Variants in THSD4 observed in about 807,000 individuals in gnomAD.
THSD4 encodes the protein thrombospondin type 1 domain containing 4.
THSD4 carries 69 observed loss-of-function variants against 119.0 expected under a neutral mutation model. The ratio of observed to expected loss-of-function variants is 0.58; its 90% CI spans 0.48 to 0.71. The LOEUF (loss-of-function observed/expected upper bound fraction) is 0.71. Among genes scored for constraint, THSD4 ranks in the 30% least tolerant of loss-of-function variants. The probability of loss-of-function intolerance (pLI) is 0.00; values close to 1 mark genes in which losing one functional copy is unlikely to be tolerated. For synonymous variants in THSD4, 524 were observed against 540.4 expected, an observed-to-expected ratio of 0.97 and a Z score of 0.42; for missense variants, 1,393 against 1,391.1, an observed-to-expected ratio of 1.00 and a Z score of -0.02.
At chr15:71,312,105 T>C (rs66526870) in intron 6 of THSD4, among the ~76,000 whole-genome samples, 7,567 of 152,314 alleles carry the variant, frequency 0.05, 211 homozygotes, top group South Asian at 0.083. Context: ...CTGGACTGTA[T>C]AGTGCTCCCC....
In THSD4 at chr15:71,141,555, A is replaced by G; in HGVS notation, c.28A>G (p.Ser10Gly). The G allele has an allele frequency of 6.2e-7, 1 of 1,608,662 alleles. No homozygotes were observed. The highest frequency in any genetic ancestry group is 2.2e-5 in the East Asian group (1 of 44,880). Residue 10 changes from serine to glycine, a missense_variant and splice_region_variant, in exon 2 of 18, where the codon AGT becomes GGT. Coordinates refer to ENST00000261862, the MANE Select transcript of THSD4 (RefSeq NM_024817.3). Reference protein sequence around the residue: MVSHFMGSLSVLCFLLLLGF... With the variant: MVSHFMGSLGVLCFLLLLGF... The stretch of plus-strand genomic sequence containing the variant: ...GGTTTCCCATTTCATGGGGTCTCTC[A>G]GGTAAGTGAAGAAACTTTTTTTAAA...
chr15:71,660,475 C>T, intron 7 of THSD4, 55 bp from the exon 8 acceptor site: 1 of 1,603,432 alleles, frequency 6.2e-7, no homozygotes, highest in South Asian at 1.1e-5. Flanking sequence ...TCCCTTCCTT[C>T]CTCTGCATGC....
At chr15:71,127,659 AG>A (rs1176476586) in intron 1 of THSD4, among the ~76,000 whole-genome samples, 3 of 152,152 alleles carry the variant, frequency 2.0e-5, no homozygotes, top group Non-Finnish European at 4.4e-5. Flanking sequence ...ATTTCCCTAA[AG>A]GTTAGCAATG....
At chr15:71,467,179 A>T (rs1000721813) in intron 7 of THSD4, among the ~76,000 whole-genome samples, 1 of 152,218 alleles carries the variant, frequency 6.6e-6, no homozygotes, top group Non-Finnish European at 1.5e-5. Flanking sequence ...TCCACATGGC[A>T]TGAGTTAACT....
intron 6 of THSD4, among the ~76,000 whole-genome samples, chr15:71,374,972 G>T (rs975055083): frequency 4.6e-5 from 7 of 152,226 alleles, no homozygotes; most frequent in African/African-American, 1.4e-4. Flanking sequence ...TGTCCTGCGG[G>T]TATTTAGAGA....
chr15:71,625,049 C>T (rs1376591270), intron 7 of THSD4, among the ~76,000 whole-genome samples: 1 of 151,982 alleles, frequency 6.6e-6, no homozygotes, highest in African/African-American at 2.4e-5. Flanking sequence ...GCTCTGTTTC[C>T]CAGGCTGGAG....
intron 6 of THSD4, among the ~76,000 whole-genome samples, chr15:71,291,945 C>T (rs1052673399): frequency 6.6e-6 from 1 of 152,144 alleles, no homozygotes; most frequent in African/African-American, 2.4e-5. Flanking sequence ...CCCTGTCTAC[C>T]ACATCCTGCT....
chr15:71,111,310 C>A (rs773812981), upstream of THSD4: 9 of 1,613,838 alleles, frequency 5.6e-6, no homozygotes, highest in East Asian at 2.0e-4. Flanking sequence ...TGCTCATGTC[C>A]TCAGAGCTGT....
intron 7 of THSD4, among the ~76,000 whole-genome samples, chr15:71,451,086 G>A (rs1241660104): frequency 1.3e-5 from 2 of 152,138 alleles, no homozygotes; most frequent in African/African-American, 4.8e-5. Flanking sequence ...GCTGAAGTGG[G>A]AGAATCACTT....
At chr15:71,500,413 C>T (rs921511585) in intron 7 of THSD4, among the ~76,000 whole-genome samples, 1 of 152,126 alleles carries the variant, frequency 6.6e-6, no homozygotes, top group Admixed American at 6.5e-5. Flanking sequence ...ATATTTTCCC[C>T]CATTCCATAG....
intron 5 of THSD4, among the ~76,000 whole-genome samples, chr15:71,247,754 G>A (rs967423598): frequency 6.6e-6 from 1 of 152,208 alleles, no homozygotes; most frequent in Non-Finnish European, 1.5e-5. Flanking sequence ...CAGGGCGGAA[G>A]TCATGATTAA....
chr15:71,447,119 T>TG (rs376516811), intron 7 of THSD4, among the ~76,000 whole-genome samples: 6 of 4,642 alleles, frequency 1.3e-3, no homozygotes, highest in East Asian at 0.01. Flanking sequence ...ATTTTTTTTG[T>TG]TTTTTTTTTT....
chr15:71,363,488 A>T (rs80196906), intron 6 of THSD4, among the ~76,000 whole-genome samples: 1 of 152,224 alleles, frequency 6.6e-6, no homozygotes, highest in South Asian at 2.1e-4. Context: ...AAGGGAAGGA[A>T]TGAGCATACT....
intron 3 of THSD4, among the ~76,000 whole-genome samples, chr15:71,163,624 T>C (rs1180318731): frequency 6.6e-6 from 1 of 152,038 alleles, no homozygotes; most frequent in Non-Finnish European, 1.5e-5. Context: ...CTTGGATTTA[T>C]AAAGGGGCAA....
chr15:71,256,166 G>A (rs980241389), intron 5 of THSD4, among the ~76,000 whole-genome samples: 16 of 152,286 alleles, frequency 1.1e-4, no homozygotes, highest in African/African-American at 3.6e-4. Context: ...TTAGGTAGAA[G>A]AGGGCTGGTA....
intron 6 of THSD4, among the ~76,000 whole-genome samples, chr15:71,346,939 T>C (rs2045671036): frequency 7.1e-6 from 1 of 141,834 alleles, no homozygotes; most frequent in Admixed American, 7.5e-5. Context: ...AATGGTGTGA[T>C]CTCGGCTCAC....
intron 6 of THSD4, among the ~76,000 whole-genome samples, chr15:71,312,909 A>G (rs190595190): frequency 6.8e-4 from 104 of 152,260 alleles, no homozygotes; most frequent in Middle Eastern, 3.4e-3. Flanking sequence ...CCACTCAAGT[A>G]TCTGAAACTT....
chr15:71,703,500 G>A (rs1374860189), intron 8 of THSD4, among the ~76,000 whole-genome samples: 2 of 152,200 alleles, frequency 1.3e-5, no homozygotes, highest in Non-Finnish European at 2.9e-5. Flanking sequence ...TTAGTGGCCT[G>A]ATTAAGCAAG....
At chr15:71,415,578 A>G (rs2046748700) in intron 7 of THSD4, among the ~76,000 whole-genome samples, 1 of 152,142 alleles carries the variant, frequency 6.6e-6, no homozygotes, top group Non-Finnish European at 1.5e-5. Flanking sequence ...GTACAATTAC[A>G]TTATTATTGA....
Sources: gnomAD v4.1 joint callset for allele counts (sites outside exome capture counted in the v4.1 genomes callset) on GRCh38, gnomAD v4.1.1 for gene constraint, MANE v1.5 for transcripts, NCBI Gene and HGNC (gene_info 2026-07-23, HGNC 2026-07-21) for gene names.